TENM2: variants seen among roughly 807,000 people sequenced by gnomAD.
TENM2 encodes teneurin transmembrane protein 2.
TENM2 carries 52 observed loss-of-function variants against 245.2 expected under a neutral mutation model. That is an observed-to-expected ratio of 0.21 (90% CI 0.17 to 0.27). The LOEUF is 0.27. TENM2 is among the 10% of genes least tolerant of loss of function. The probability of loss-of-function intolerance (pLI) is 1.00; values close to 1 mark genes in which losing one functional copy is unlikely to be tolerated. For synonymous variants in TENM2, 1,363 were observed against 1,438.9 expected (o/e 0.95, Z 1.19); for missense variants, 3,046 against 3,666.8 (o/e 0.83, Z 4.37).
chr5:167,708,819 G>GT lies in TENM2; in HGVS notation c.503-167159dup, dbSNP rs1040394109. ...ACTGACTAATACTATATATGTTAAAGTTTTTTTTATAAAAACATAAAGCAC... is the reference window on the plus strand; with the variant it reads ...ACTGACTAATACTATATATGTTAAAGTTTTTTTTTATAAAAACATAAAGCAC... On this transcript the variant is annotated intron_variant, in intron 2 of 28. Coordinates refer to ENST00000518659, the Ensembl canonical transcript of TENM2. 3.3e-5 allele frequency among the ~76,000 whole-genome samples: 5 copies of GT among 152,054 alleles called. No individual in the cohort carries two copies. In the East Asian group the frequency reaches 5.8e-4, roughly 18 times the overall value.
the TENM2 span, among the ~76,000 whole-genome samples, chr5:167,106,593 G>A: frequency 3.3e-5 from 5 of 152,306 alleles, no homozygotes; most frequent in South Asian, 2.1e-4. Context: ...TGAAGCAGGT[G>A]ACTGACATGA....
intron 2 of TENM2, among the ~76,000 whole-genome samples, chr5:167,654,938 A>G (rs1026848660): frequency 6.6e-6 from 1 of 152,118 alleles, no homozygotes; most frequent in African/African-American, 2.4e-5. Context: ...GCTGGCACCT[A>G]TTATTAGTAA....
At chr5:167,498,450 C>T in intron 2 of TENM2, among the ~76,000 whole-genome samples, 1 of 152,110 alleles carries the variant, frequency 6.6e-6, no homozygotes, top group Admixed American at 6.6e-5. Flanking sequence ...GAAGGTATGA[C>T]ATTGCCAGGG....
chr5:168,037,618 T>C (rs961287983), intron 5 of TENM2, among the ~76,000 whole-genome samples: 18 of 148,204 alleles, frequency 1.2e-4, no homozygotes, highest in Non-Finnish European at 2.4e-4. Context: ...AATAAAAATA[T>C]TAAGCGGGTA....
chr5:167,212,684 C>T, the TENM2 span, among the ~76,000 whole-genome samples: 2 of 152,112 alleles, frequency 1.3e-5, no homozygotes, highest in African/African-American at 4.8e-5. Context: ...TAAAAATAAG[C>T]CTGCTTCATT....
At chr5:167,240,724 G>A in the TENM2 span, among the ~76,000 whole-genome samples, 1 of 152,236 alleles carries the variant, frequency 6.6e-6, no homozygotes, top group Non-Finnish European at 1.5e-5. Context: ...GTGGACAGCA[G>A]CAATCAGGAA....
the TENM2 span, among the ~76,000 whole-genome samples, chr5:167,117,261 T>G: frequency 6.6e-6 from 1 of 152,338 alleles, no homozygotes; most frequent in Admixed American, 6.5e-5. Context: ...CCCAGCACTT[T>G]GGGAGGCCCA....
At chr5:168,122,068 A>G (rs1702142103) in intron 10 of TENM2, among the ~76,000 whole-genome samples, 1 of 152,244 alleles carries the variant, frequency 6.6e-6, no homozygotes, top group Non-Finnish European at 1.5e-5. Flanking sequence ...TGCTTATAGC[A>G]CAGTCTGTCC....
intron 2 of TENM2, among the ~76,000 whole-genome samples, chr5:167,570,929 C>T (rs1370219573): frequency 2.0e-5 from 3 of 151,934 alleles, no homozygotes; most frequent in East Asian, 1.9e-4. Flanking sequence ...GGGCTTGCTT[C>T]GAGGGTGAGT....
chr5:167,410,297 A>C (rs2127402700), intron 2 of TENM2, among the ~76,000 whole-genome samples: 1 of 152,194 alleles, frequency 6.6e-6, no homozygotes, highest in Non-Finnish European at 1.5e-5. Context: ...GAAGGCAAAT[A>C]TCCAAAAACA....
rs183152143 is a variant in TENM2, at chr5:168,112,076, A to G, written c.1814-6216A>G. 1.3e-3 allele frequency among the ~76,000 whole-genome samples: 202 copies of G among 152,316 alleles called. 1 individual carries two copies. The highest frequency in any genetic ancestry group is 4.5e-3 in the African/African-American group (189 of 41,572). ...GTCACAGAGAAGATATTAATTCTTT[A>G]TAATCAAATCTGATCCTCTGTTCCT... On this transcript the variant is annotated intron_variant, in intron 9 of 28. Coordinates refer to ENST00000518659, the Ensembl canonical transcript of TENM2.
intron 2 of TENM2, among the ~76,000 whole-genome samples, chr5:167,662,860 G>A (rs532004557): frequency 1.3e-5 from 2 of 152,192 alleles, no homozygotes; most frequent in African/African-American, 4.8e-5. Context: ...CTAAGTCAGA[G>A]CCCATAGATC....
intron 2 of TENM2, among the ~76,000 whole-genome samples, chr5:167,872,342 GAAAGAAAGA>G (rs1772933610): frequency 1.4e-5 from 1 of 71,290 alleles, no homozygotes; most frequent in African/African-American, 4.5e-5. Context: ...AAGAAAGAAA[GAAAGAAAGA>G]AAGGAAAGAG....
chr5:167,088,158 G>A, the TENM2 span, among the ~76,000 whole-genome samples: 11 of 152,100 alleles, frequency 7.2e-5, no homozygotes, highest in Non-Finnish European at 7.3e-5. Context: ...GCTTGGCTGG[G>A]ATGACCAAGC....
intron 2 of TENM2, among the ~76,000 whole-genome samples, chr5:167,530,105 A>G (rs372849445): frequency 6.6e-6 from 1 of 152,174 alleles, no homozygotes; most frequent in African/African-American, 2.4e-5. Context: ...CCAATCCACA[A>G]TAAGATACAT....
chr5:167,611,187 T>C (rs939069382), intron 2 of TENM2, among the ~76,000 whole-genome samples: 37 of 152,252 alleles, frequency 2.4e-4, no homozygotes, highest in African/African-American at 7.5e-4. Context: ...AACTACCACT[T>C]ATAGTGTACC....
chr5:167,863,664 A>T (rs894272663), intron 2 of TENM2, among the ~76,000 whole-genome samples: 3 of 152,052 alleles, frequency 2.0e-5, no homozygotes, highest in Admixed American at 6.6e-5. Flanking sequence ...AATAAATATT[A>T]AAAAATACTG....
chr5:167,454,540 CAT>C (rs1426048918), intron 2 of TENM2, among the ~76,000 whole-genome samples: 14 of 151,910 alleles, frequency 9.2e-5, no homozygotes, highest in African/African-American at 3.4e-4. Flanking sequence ...CACACCCACA[CAT>C]ATTTATGTGT....
intron 9 of TENM2, among the ~76,000 whole-genome samples, chr5:168,108,059 G>T (rs1486387746): frequency 6.6e-6 from 1 of 152,220 alleles, no homozygotes; most frequent in African/African-American, 2.4e-5. Context: ...AATAGAGGAA[G>T]CAAGGCTTAT....
Sources: gnomAD v4.1 joint callset for allele counts (sites outside exome capture counted in the v4.1 genomes callset) on GRCh38, gnomAD v4.1.1 for gene constraint, MANE v1.5 for transcripts, NCBI Gene and HGNC (gene_info 2026-07-23, HGNC 2026-07-21) for gene names.